ZNF410: variants seen among roughly 807,000 people sequenced by gnomAD.
ZNF410 encodes the protein zinc finger protein 410.
ZNF410 carries 18 observed loss-of-function variants against 54.8 expected under a neutral mutation model. The ratio of observed to expected loss-of-function variants is 0.33; its 90% CI spans 0.23 to 0.49. ZNF410 has a LOEUF of 0.49. Ranked by LOEUF, ZNF410 falls within the 20% of genes least tolerant of loss-of-function variation. ZNF410 has a pLI of 0.99. For missense variants in ZNF410, 405 were observed against 569.6 expected (o/e 0.71, Z 2.94); for synonymous variants, 191 against 207.3 (o/e 0.92, Z 0.68).
intron 1 of ZNF410, among the ~76,000 whole-genome samples, chr14:73,888,949 C>A (rs998222880): frequency 7.2e-5 from 11 of 152,106 alleles, no homozygotes; most frequent in African/African-American, 2.7e-4. Flanking sequence ...AATATGAATA[C>A]CCAGTGCTTG....
At chr14:73,919,443 C>T (rs184797485) in intron 8 of ZNF410, among the ~76,000 whole-genome samples, 5 of 152,178 alleles carry the variant, frequency 3.3e-5, no homozygotes, top group East Asian at 1.9e-4. Context: ...GCCCTTGCCC[C>T]GTAGCCGCTT....
intron 1 of ZNF410, among the ~76,000 whole-genome samples, chr14:73,890,536 C>T (rs569723288): frequency 2.6e-4 from 40 of 152,228 alleles, no homozygotes; most frequent in East Asian, 7.7e-4. Context: ...TCCACACTAC[C>T]TGGTATTAAT....
intron 11 of ZNF410, among the ~76,000 whole-genome samples, chr14:73,930,426 G>A (rs1370708632): frequency 6.7e-6 from 1 of 148,428 alleles, no homozygotes; most frequent in Non-Finnish European, 1.5e-5. Flanking sequence ...GCCTCCCAAA[G>A]TGGTGGGGTT....
chr14:73,912,169 CTTTTT>C (rs34162465), intron 8 of ZNF410, among the ~76,000 whole-genome samples: 3 of 128,578 alleles, frequency 2.3e-5, no homozygotes, highest in South Asian at 2.4e-4. Flanking sequence ...CTTTCACTTT[CTTTTT>C]TTTTTTTTTT....
intron 5 of ZNF410, among the ~76,000 whole-genome samples, chr14:73,900,946 C>T (rs1361743164): frequency 6.6e-6 from 1 of 152,216 alleles, no homozygotes; most frequent in African/African-American, 2.4e-5. Context: ...AAAGATTGGA[C>T]ACCCTTGCAC....
At chr14:73,910,217 T>C (rs1418293157) in intron 8 of ZNF410, among the ~76,000 whole-genome samples, 1 of 152,156 alleles carries the variant, frequency 6.6e-6, no homozygotes, top group Non-Finnish European at 1.5e-5. Flanking sequence ...TGATGAGAAC[T>C]TGGCTTACTG....
intron 4 of ZNF410, among the ~76,000 whole-genome samples, chr14:73,897,768 T>C (rs987440823): frequency 6.6e-6 from 1 of 151,776 alleles, no homozygotes; most frequent in Non-Finnish European, 1.5e-5. Flanking sequence ...GGTCAGGAGT[T>C]CAAGACCAGC....
At chr14:73,909,264 A>G (rs1191096233) in intron 7 of ZNF410, 77 bp from the exon 8 acceptor site, 2 of 1,251,656 alleles carry the variant, frequency 1.6e-6, no homozygotes, top group South Asian at 1.3e-5. Flanking sequence ...GACTCTGAAT[A>G]AAGTTGGTGG....
intron 8 of ZNF410, chr14:73,913,906 C>T (rs2055624137): frequency 6.6e-6 from 1 of 152,166 alleles, no homozygotes; most frequent in South Asian, 2.1e-4. Flanking sequence ...GCATGAGCCA[C>T]CACACTTGGC....
At position 73,896,382 on chromosome 14, in the gene ZNF410, G is replaced by A. The variant is rs201425413; in HGVS notation, c.236G>A (p.Arg79Gln). Residue 79 changes from arginine (R) to glutamine (Q), a missense_variant, in exon 4 of 12, where the codon CGG becomes CAG. Physicochemically the swap from Arg to Gln is conservative, Grantham distance 43. Coordinates refer to ENST00000555044, the MANE Select transcript of ZNF410 (RefSeq NM_021188.3). ...TCCTCAGCTGTTTTGAGAAGCCTTC[G>A]GGTGAATGTGGGTCCAGACGGAGAG... ...VPSSAVLRSL[R>Q]VNVGPDGEET... 5.9e-5 allele frequency: 96 copies of A among 1,614,148 alleles called. No homozygotes were observed. The East Asian group carries it at 1.9e-3, about 33-fold the overall frequency.
At chr14:73,905,174 A>G in intron 7 of ZNF410, 91 bp downstream of exon 7, 2 of 1,385,950 alleles carry the variant, frequency 1.4e-6, no homozygotes, top group East Asian at 2.3e-5. Context: ...GGGAATAGAA[A>G]TGAAGGTCTG....
rs1397208568 is a variant in ZNF410 at position 73,932,064 on chromosome 14, G to A, written c.*523G>A. 2.2e-6 allele frequency: 1 copy of A among 455,028 alleles called. No homozygotes were observed. The highest frequency in any genetic ancestry group is 1.6e-5 in the South Asian group (1 of 64,446). The allele number at this position is 455,028 out of a possible 1,614,324, so 28.2% of individuals were successfully genotyped here. A position where few individuals can be genotyped will look rare whatever the true frequency, so the allele number is the denominator to read the frequency against. On this transcript the variant is annotated 3_prime_UTR_variant, in exon 12 of 12. Transcript: ENST00000555044. ...CCTGAGTAAGAGACTCTCTGCCACT[G>A]GGCTGCAAAAAAATAAATTACTTGA... is the stretch of plus-strand genomic sequence containing the variant.
intron 11 of ZNF410, among the ~76,000 whole-genome samples, chr14:73,930,387 T>G (rs1165256892): frequency 6.6e-6 from 1 of 152,208 alleles, no homozygotes; most frequent in Non-Finnish European, 1.5e-5. Context: ...GATCTCAAAT[T>G]TCTGGCCTCA....
At chr14:73,918,128 A>T (rs1037201377) in intron 8 of ZNF410, among the ~76,000 whole-genome samples, 5 of 151,972 alleles carry the variant, frequency 3.3e-5, no homozygotes, top group Non-Finnish European at 7.4e-5. Context: ...TTATTTTTTT[A>T]GATGGAGTCT....
Position 73,896,553 on chromosome 14 carries a change from TG to T in ZNF410, c.388+22del, listed in dbSNP as rs751055141. 5.0e-6 allele frequency: 8 copies of T among 1,608,554 alleles called. No individual in the cohort carries two copies. In the East Asian group the frequency reaches 1.8e-4, roughly 36 times the overall value. Reference sequence around the variant, plus strand: ...AGAGCAGGTATTCTTTCCTTTTTTTTGGGCTCTGCTTATGCCTAAGAAAAAA... The same window carrying T: ...AGAGCAGGTATTCTTTCCTTTTTTTTGGCTCTGCTTATGCCTAAGAAAAAA... On this transcript the variant is annotated intron_variant, in intron 4 of 11. Coordinates refer to ENST00000555044, the MANE Select transcript of ZNF410 (RefSeq NM_021188.3).
At chr14:73,920,792 G>A (rs1414510106) in intron 8 of ZNF410, 188 bp from the exon 9 acceptor site, 2 of 632,628 alleles carry the variant, frequency 3.2e-6, no homozygotes, top group African/African-American at 1.8e-5. Context: ...GTGTGCTAAA[G>A]CCCTCCTGGT....
chr14:73,922,173 C>T lies in ZNF410; in HGVS notation c.1237C>T (p.Pro413Ser), dbSNP rs770655061. 3.1e-6 allele frequency: 5 copies of T among 1,613,934 alleles called. No individual in the cohort carries two copies. The highest frequency in any genetic ancestry group is 2.2e-5 in the South Asian group (2 of 91,052). Reference sequence around the variant, plus strand: ...CCTTGGTGGAGAGTCCTTGAACCTACCAAATACCAATTCTATCCTGGGAGT... The same window carrying T: ...CCTTGGTGGAGAGTCCTTGAACCTATCAAATACCAATTCTATCCTGGGAGT... ...PSLGGESLNLPNTNSILGVDD... is the reference protein window; with the variant it reads ...PSLGGESLNLSNTNSILGVDD... Residue 413 changes from proline to serine, a missense_variant, in exon 10 of 12, where the codon CCA becomes TCA. This residue lies in a region of ZNF410 where 127 missense variants were observed against 141.3 expected (regional missense o/e 0.90). Coordinates refer to ENST00000555044, the MANE Select transcript of ZNF410 (RefSeq NM_021188.3).
At chr14:73,927,487 T>G (rs1302086075) in intron 11 of ZNF410, among the ~76,000 whole-genome samples, 1 of 152,196 alleles carries the variant, frequency 6.6e-6, no homozygotes, top group Non-Finnish European at 1.5e-5. Flanking sequence ...TAGTACACAT[T>G]ATTATTCGAG....
intron 5 of ZNF410, 102 bp downstream of exon 5, chr14:73,898,364 T>G: frequency 8.2e-7 from 1 of 1,219,782 alleles, no homozygotes; most frequent in Non-Finnish European, 1.2e-6. Flanking sequence ...ATTCTATTGA[T>G]GAGAGCAGAA....
Sources: gnomAD v4.1 joint callset for allele counts (sites outside exome capture counted in the v4.1 genomes callset) on GRCh38, gnomAD v4.1.1 for gene constraint, gnomAD v4.1.1 regional missense constraint, MANE v1.5 for transcripts, NCBI Gene and HGNC (gene_info 2026-07-23, HGNC 2026-07-21) for gene names.